VAV2: variants seen among roughly 807,000 people sequenced by gnomAD.
The protein encoded by VAV2 is guanine nucleotide exchange factor VAV2.
Under a neutral mutation model 132.5 loss-of-function variants are expected in VAV2, and 67 were observed. The observed-to-expected ratio is 0.51, with a 90% CI of 0.42 to 0.62. The LOEUF is 0.62. Ranked by LOEUF, VAV2 falls within the 20% of genes least tolerant of loss-of-function variation. The pLI, the probability that VAV2 is intolerant of heterozygous loss-of-function variation, is 0.00. For missense variants in VAV2, 938 were observed against 1,153.6 expected, an observed-to-expected ratio of 0.81 and a Z score of 2.71; for synonymous variants, 492 against 443.5, an observed-to-expected ratio of 1.11 and a Z score of -1.37.
At chr9:133,849,575 G>A (rs992600978) in intron 3 of VAV2, among the ~76,000 whole-genome samples, 1 of 152,192 alleles carries the variant, frequency 6.6e-6, no homozygotes, top group African/African-American at 2.4e-5. Flanking sequence ...AAGCACCATC[G>A]AATGGGGGCT....
chr9:133,873,654 G>C (rs10993835), intron 2 of VAV2, among the ~76,000 whole-genome samples: 38,824 of 152,132 alleles, frequency 0.26, 5,802 homozygotes, highest in East Asian at 0.6. Context: ...CAAGCTGCAT[G>C]AGGCAGCTGC....
At chr9:133,807,815 T>C (rs983486962) in intron 7 of VAV2, among the ~76,000 whole-genome samples, 1 of 152,202 alleles carries the variant, frequency 6.6e-6, no homozygotes, top group African/African-American at 2.4e-5. Flanking sequence ...GGGCAGGCTG[T>C]GGACGAGAGT....
At chr9:133,877,062 G>A (rs1838292629) in intron 2 of VAV2, among the ~76,000 whole-genome samples, 1 of 152,102 alleles carries the variant, frequency 6.6e-6, no homozygotes, top group Admixed American at 6.5e-5. Context: ...CCACCCACCT[G>A]GGGAAAGGGG....
chr9:133,807,929 G>A (rs947249830), intron 7 of VAV2, among the ~76,000 whole-genome samples: 5 of 152,262 alleles, frequency 3.3e-5, no homozygotes, highest in African/African-American at 9.6e-5. Context: ...CCTGCTCCCC[G>A]AGTGGCTCCT....
At chr9:133,916,820 G>A (rs1309222607) in intron 2 of VAV2, among the ~76,000 whole-genome samples, 2 of 152,096 alleles carry the variant, frequency 1.3e-5, no homozygotes, top group African/African-American at 2.4e-5. Flanking sequence ...AGGTCAAGGG[G>A]TGTGAAGGAA....
intron 4 of VAV2, among the ~76,000 whole-genome samples, chr9:133,815,305 G>A (rs1215249310): frequency 1.3e-5 from 2 of 152,108 alleles, no homozygotes; most frequent in Non-Finnish European, 2.9e-5. Flanking sequence ...GAAATGCCAA[G>A]CATAGGGTTC....
rs747297416 is a variant in VAV2 at position 133,788,360 on chromosome 9, G to C, written c.1401C>G (p.Val467=). ...MTDDPMNNKD[V]KKSHGKMWSY... The stretch of plus-strand genomic sequence containing the variant: ...GGGACCCGGAAGGCCCCACCTTCTT[G>C]ACGTCCTTGTTGTTCATGGGGTCGT... Residue 467 remains valine (V), a synonymous_variant, in exon 15 of 30, where the codon GTC becomes GTG. Transcript: ENST00000371850. The surrounding 1 kb of genome is among the most constrained non-coding windows in gnomAD (Gnocchi z 5.3). 2 of 1,605,054 alleles carry C rather than the reference G, an allele frequency of 1.2e-6. No individual in the cohort carries two copies. The highest frequency in any genetic ancestry group is 1.3e-5 in the African/African-American group (1 of 74,772).
intron 2 of VAV2, among the ~76,000 whole-genome samples, chr9:133,906,564 G>T (rs1839661726): frequency 6.6e-6 from 1 of 152,088 alleles, no homozygotes; most frequent in Non-Finnish European, 1.5e-5. Flanking sequence ...AATGAAACCA[G>T]GTCCATGAAA....
intron 6 of VAV2, among the ~76,000 whole-genome samples, chr9:133,809,949 A>G (rs1404631958): frequency 6.6e-6 from 1 of 152,116 alleles, no homozygotes; most frequent in Non-Finnish European, 1.5e-5. Context: ...CCTCCAAGAA[A>G]TCCCCAAGGG....
At chr9:133,894,081 C>T (rs1216680968) in intron 2 of VAV2, among the ~76,000 whole-genome samples, 6 of 152,264 alleles carry the variant, frequency 3.9e-5, no homozygotes, top group Admixed American at 6.5e-5. Flanking sequence ...TCCCCGCCTC[C>T]ACTGCCCGTC....
At chr9:133,844,628 A>T (rs1836858612) in intron 3 of VAV2, among the ~76,000 whole-genome samples, 1 of 152,220 alleles carries the variant, frequency 6.6e-6, no homozygotes, top group Non-Finnish European at 1.5e-5. Context: ...CTGCAGACAC[A>T]GGACAGGGAT....
chr9:133,923,542 G>T (rs1018934361), intron 2 of VAV2, among the ~76,000 whole-genome samples: 4 of 152,224 alleles, frequency 2.6e-5, no homozygotes, highest in African/African-American at 9.7e-5. Flanking sequence ...TACACTGTTG[G>T]TGGGAGTGTA....
intron 2 of VAV2, among the ~76,000 whole-genome samples, chr9:133,868,734 G>A (rs763688982): frequency 3.3e-5 from 5 of 152,218 alleles, no homozygotes; most frequent in Non-Finnish European, 5.9e-5. Context: ...GCTCTGGCCC[G>A]TCCTATCCCT....
In VAV2 at chr9:133,802,217, T is replaced by C. The variant is rs1186203867; in HGVS notation, c.836+3864A>G. Among the ~76,000 whole-genome samples, 2 of 152,038 alleles carry C rather than the reference T, an allele frequency of 1.3e-5. No homozygotes were observed. The highest frequency in any genetic ancestry group is 4.8e-5 in the African/African-American group (2 of 41,376). On this transcript the variant is annotated intron_variant, in intron 9 of 29. Transcript: ENST00000371850. This position sits in a 1 kb window ranked among gnomAD's most constrained non-coding sequence, Gnocchi z 5.8. ...TACAGGCCTTAATTCTAACCACATT[T>C]ACTACTGTTAAGAAAAAGGAGCCAA...
rs778739556 is a variant in VAV2 at position 133,788,262 on chromosome 9, C to T, written c.1407+92G>A. 10 of 878,546 alleles carry T rather than the reference C, an allele frequency of 1.1e-5. No individual in the cohort carries two copies. Among genetic ancestry groups the T allele is most frequent in the African/African-American group, 8.8e-5 (5 of 57,008 alleles). 54.4% of individuals were successfully genotyped at this position (878,546 alleles called of 1,614,324 possible). ...CCCGGCCAGCATCAGCGGCTGACTT[C>T]GAGTCCCCTTCCCCTGGGGTCTGGA... On this transcript the variant is annotated intron_variant, in intron 15 of 29. Transcript: ENST00000371850. This position sits in a 1 kb window ranked among gnomAD's most constrained non-coding sequence, Gnocchi z 5.3.
At chr9:133,846,337 C>A (rs1836934137) in intron 3 of VAV2, among the ~76,000 whole-genome samples, 1 of 152,212 alleles carries the variant, frequency 6.6e-6, no homozygotes, top group Non-Finnish European at 1.5e-5. Flanking sequence ...TGGCTACCAG[C>A]CCCGCTCACC....
chr9:133,941,515 C>G (rs1365943814), intron 1 of VAV2, among the ~76,000 whole-genome samples: 5 of 151,564 alleles, frequency 3.3e-5, no homozygotes, highest in Non-Finnish European at 7.4e-5. Flanking sequence ...CAATGTGAGT[C>G]TAAAACACTC....
intron 4 of VAV2, among the ~76,000 whole-genome samples, chr9:133,821,235 C>T (rs2131732322): frequency 6.6e-6 from 1 of 152,352 alleles, no homozygotes; most frequent in South Asian, 2.1e-4. Context: ...AAACTCCACA[C>T]CCATGCCACA....
intron 1 of VAV2, among the ~76,000 whole-genome samples, chr9:133,944,375 G>A (rs1046058176): frequency 2.0e-5 from 3 of 151,538 alleles, no homozygotes; most frequent in African/African-American, 7.4e-5. Context: ...AAACTAAGCC[G>A]GGGGAGGCAA....
Sources: gnomAD v4.1 joint callset for allele counts (sites outside exome capture counted in the v4.1 genomes callset) on GRCh38, gnomAD v4.1.1 for gene constraint, Gnocchi (gnomAD v3.1) non-coding constraint, MANE v1.5 for transcripts, NCBI Gene and HGNC (gene_info 2026-07-23, HGNC 2026-07-21) for gene names.